Variants in GNB4 observed in about 807,000 individuals in gnomAD.
GNB4 encodes guanine nucleotide-binding protein subunit beta-4.
Under a neutral mutation model 45.2 loss-of-function variants are expected in GNB4, and 28 were observed. The ratio of observed to expected loss-of-function variants is 0.62; its 90% CI spans 0.46 to 0.85. GNB4 has a LOEUF of 0.85. Among genes scored for constraint, GNB4 ranks in the 40% least tolerant of loss-of-function variants. GNB4 has a pLI of 0.00. For synonymous variants in GNB4, 132 were observed against 143.7 expected (o/e 0.92, Z 0.58); for missense variants, 321 against 425.4 (o/e 0.75, Z 2.16).
intron 8 of GNB4, among the ~76,000 whole-genome samples, chr3:179,408,987 A>C (rs543759830): frequency 1.3e-5 from 2 of 151,402 alleles, no homozygotes; most frequent in African/African-American, 4.8e-5. Flanking sequence ...CTCTGCAAAA[A>C]ATACACACAC....
At chr3:179,409,405 G>A (rs974202099) in intron 8 of GNB4, among the ~76,000 whole-genome samples, 5 of 151,736 alleles carry the variant, frequency 3.3e-5, no homozygotes, top group African/African-American at 7.3e-5. Flanking sequence ...CCAGGTACTC[G>A]GGAGGCTGAG....
the GNB4 span, among the ~76,000 whole-genome samples, chr3:179,519,980 A>G: frequency 3.0e-4 from 45 of 152,290 alleles, 1 homozygote; most frequent in Admixed American, 1.8e-3. Context: ...AAAGCCTTAC[A>G]GGTTAGTTCA....
At chr3:179,494,803 G>A in the GNB4 span, among the ~76,000 whole-genome samples, 5 of 151,542 alleles carry the variant, frequency 3.3e-5, no homozygotes, top group South Asian at 1.0e-3. Flanking sequence ...AGCTACTCGG[G>A]AGGCTGAGGC....
At chr3:179,440,543 C>A (rs934824830) in intron 1 of GNB4, among the ~76,000 whole-genome samples, 1 of 151,866 alleles carries the variant, frequency 6.6e-6, no homozygotes, top group Non-Finnish European at 1.5e-5. Context: ...CTTGTGATTA[C>A]GTTTTCTGAA....
chr3:179,472,261 T>C, the GNB4 span, among the ~76,000 whole-genome samples: 2 of 152,070 alleles, frequency 1.3e-5, no homozygotes, highest in African/African-American at 4.8e-5. Flanking sequence ...TTTCAAATTA[T>C]GGATAAATTG....
the GNB4 span, among the ~76,000 whole-genome samples, chr3:179,509,275 G>C: frequency 6.6e-6 from 1 of 151,642 alleles, no homozygotes; most frequent in African/African-American, 2.4e-5. Flanking sequence ...CCTTGTCTTA[G>C]GTGGTGGAGA....
At chr3:179,507,952 T>C in the GNB4 span, among the ~76,000 whole-genome samples, 4 of 152,198 alleles carry the variant, frequency 2.6e-5, no homozygotes, top group Non-Finnish European at 5.9e-5. Context: ...TGATAGACTG[T>C]GAGGACTAAA....
chr3:179,460,912 G>A, the GNB4 span, among the ~76,000 whole-genome samples: 3 of 152,146 alleles, frequency 2.0e-5, no homozygotes, highest in Admixed American at 1.3e-4. Flanking sequence ...GGTGGCAAAA[G>A]ACATTATGGC....
chr3:179,505,062 A>G, the GNB4 span, among the ~76,000 whole-genome samples: 1 of 152,196 alleles, frequency 6.6e-6, no homozygotes, highest in Non-Finnish European at 1.5e-5. Flanking sequence ...CCTTCAACCT[A>G]GGTCCCAAAG....
the GNB4 span, among the ~76,000 whole-genome samples, chr3:179,527,786 ATGT>A: frequency 1.1e-4 from 14 of 124,826 alleles, 1 homozygote; most frequent in African/African-American, 3.8e-4. Context: ...GCGTGTGTGT[ATGT>A]ATGTGTGTGT....
chr3:179,497,239 G>A, the GNB4 span, among the ~76,000 whole-genome samples: 1 of 151,898 alleles, frequency 6.6e-6, no homozygotes, highest in Non-Finnish European at 1.5e-5. Flanking sequence ...AAGGCACCAG[G>A]AATATATAAT....
chr3:179,482,102 C>T, the GNB4 span, among the ~76,000 whole-genome samples: 1 of 152,026 alleles, frequency 6.6e-6, no homozygotes, highest in African/African-American at 2.4e-5. Context: ...GGGGTTTGGC[C>T]ATGTTGTCCA....
intron 1 of GNB4, among the ~76,000 whole-genome samples, chr3:179,438,940 T>G (rs551815965): frequency 1.3e-5 from 2 of 152,288 alleles, no homozygotes; most frequent in Non-Finnish European, 2.9e-5. Context: ...AGGCCTTGAC[T>G]CTTCAAGTGT....
At chr3:179,471,735 A>G in the GNB4 span, among the ~76,000 whole-genome samples, 2 of 152,220 alleles carry the variant, frequency 1.3e-5, no homozygotes, top group African/African-American at 4.8e-5. Context: ...TTTTGAGGTG[A>G]GTAGTATTCC....
At chr3:179,460,336 A>G in the GNB4 span, among the ~76,000 whole-genome samples, 1 of 152,228 alleles carries the variant, frequency 6.6e-6, no homozygotes, top group Non-Finnish European at 1.5e-5. Context: ...AATCTTATTT[A>G]TAATCAAAAT....
intron 8 of GNB4, among the ~76,000 whole-genome samples, chr3:179,411,447 G>T (rs1332369638): frequency 5.4e-5 from 8 of 146,952 alleles, no homozygotes; most frequent in African/African-American, 2.0e-4. Flanking sequence ...ATTTGTAAAA[G>T]ATGGTACTAA....
chr3:179,511,599 C>T, the GNB4 span, among the ~76,000 whole-genome samples: 7 of 152,160 alleles, frequency 4.6e-5, no homozygotes, highest in African/African-American at 1.4e-4. Flanking sequence ...CACTTAACAT[C>T]TTTGTACCTC....
chr3:179,426,988 C>A (rs6443650), intron 1 of GNB4, among the ~76,000 whole-genome samples: 77,497 of 151,404 alleles, frequency 0.51, 20,975 homozygotes, highest in African/African-American at 0.69. Flanking sequence ...ACACACACAC[C>A]CCCCTCTGAC....
At chr3:179,499,680 A>G in the GNB4 span, among the ~76,000 whole-genome samples, 2 of 152,226 alleles carry the variant, frequency 1.3e-5, no homozygotes, top group Non-Finnish European at 2.9e-5. Context: ...GTCTTCCACA[A>G]TGGTCGAACT....
Sources: gnomAD v4.1 joint callset for allele counts (sites outside exome capture counted in the v4.1 genomes callset) on GRCh38, gnomAD v4.1.1 for gene constraint, MANE v1.5 for transcripts, NCBI Gene and HGNC (gene_info 2026-07-23, HGNC 2026-07-21) for gene names.